Variants in CDH12 observed in about 807,000 individuals in gnomAD.
CDH12 encodes cadherin 12.
CDH12 carries 41 observed loss-of-function variants against 74.1 expected under a neutral mutation model. The observed-to-expected ratio is 0.55, with a 90% CI of 0.43 to 0.72. The LOEUF (loss-of-function observed/expected upper bound fraction) is 0.72, where lower values mean the gene tolerates loss of function less well. Among genes scored for constraint, CDH12 ranks in the 30% least tolerant of loss-of-function variants. The pLI is 0.00. For missense variants in CDH12, 945 were observed against 977.2 expected, an observed-to-expected ratio of 0.97 and a Z score of 0.44; for synonymous variants, 399 against 355.0, an observed-to-expected ratio of 1.12 and a Z score of -1.39.
chr5:22,811,305 A>T (rs1749138272), intron 1 of CDH12, among the ~76,000 whole-genome samples: 1 of 152,110 alleles, frequency 6.6e-6, no homozygotes, highest in Admixed American at 6.5e-5. Context: ...ACTATTCTTG[A>T]TCATTTGCAA....
At chr5:22,189,098 G>A (rs1424660147) in intron 4 of CDH12, among the ~76,000 whole-genome samples, 1 of 150,952 alleles carries the variant, frequency 6.6e-6, no homozygotes, top group Non-Finnish European at 1.5e-5. Flanking sequence ...ATACTCAGAA[G>A]CAAGATGTAT....
At chr5:22,673,563 C>T (rs773320695) in intron 1 of CDH12, among the ~76,000 whole-genome samples, 6 of 152,068 alleles carry the variant, frequency 3.9e-5, no homozygotes, top group Admixed American at 1.3e-4. Context: ...GATTTTACTA[C>T]AATAATAGGT....
rs144475046 is a variant in CDH12 at position 21,899,066 on chromosome 5, C to G, written c.527-44276G>C. ...GATTTAGTTCTTACTCTCCTTCCCA[C>G]CTGGGGGTTGTTCCCTCCTACCTTT... On this transcript the variant is annotated intron_variant, in intron 6 of 14. Coordinates refer to ENST00000382254, the MANE Select transcript of CDH12 (RefSeq NM_004061.5). Among the ~76,000 whole-genome samples, 857 of 152,288 alleles carry G rather than the reference C, an allele frequency of 5.6e-3. 8 individuals carry two copies. Among genetic ancestry groups the G allele is most frequent in the African/African-American group, 0.02 (812 of 41,566 alleles).
At chr5:22,096,654 G>A (rs1743799936) in intron 4 of CDH12, among the ~76,000 whole-genome samples, 1 of 152,056 alleles carries the variant, frequency 6.6e-6, no homozygotes, top group Admixed American at 6.5e-5. Context: ...GGTGGCTGGA[G>A]CTAAAGGCAT....
intron 1 of CDH12, among the ~76,000 whole-genome samples, chr5:22,524,117 G>A (rs1737169419): frequency 6.6e-6 from 1 of 151,650 alleles, no homozygotes; most frequent in Admixed American, 6.6e-5. Flanking sequence ...TGAGTAGGTG[G>A]GACCACAGGC....
At chr5:21,813,194 C>T (rs11952632) in intron 9 of CDH12, among the ~76,000 whole-genome samples, 99,775 of 151,992 alleles carry the variant, frequency 0.66, 34,721 homozygotes, top group Non-Finnish European at 0.77. Flanking sequence ...AAGGGTAAGG[C>T]GAGGCCAGGT....
At chr5:22,250,646 C>A (rs1044858018) in intron 3 of CDH12, among the ~76,000 whole-genome samples, 1 of 152,096 alleles carries the variant, frequency 6.6e-6, no homozygotes, top group Non-Finnish European at 1.5e-5. Context: ...AATATTTTGG[C>A]CTAACATCTT....
chr5:22,681,239 G>GTA (rs1367767328), intron 1 of CDH12, among the ~76,000 whole-genome samples: 6 of 151,210 alleles, frequency 4.0e-5, no homozygotes, highest in African/African-American at 1.5e-4. Flanking sequence ...GTGTGTGTGT[G>GTA]TGTGTGTGTG....
chr5:22,188,872 C>T (rs958579910), intron 4 of CDH12, among the ~76,000 whole-genome samples: 1 of 152,186 alleles, frequency 6.6e-6, no homozygotes, highest in Non-Finnish European at 1.5e-5. Context: ...TTTGGAATAA[C>T]TCTCCTAATG....
intron 1 of CDH12, among the ~76,000 whole-genome samples, chr5:22,757,808 T>C (rs1746007509): frequency 7.9e-5 from 12 of 152,146 alleles, no homozygotes; most frequent in Admixed American, 7.9e-4. Context: ...ATCCCCTAAA[T>C]GAAATAAATT....
At chr5:21,926,166 C>T (rs758659839) in intron 6 of CDH12, among the ~76,000 whole-genome samples, 5 of 152,002 alleles carry the variant, frequency 3.3e-5, no homozygotes, top group Admixed American at 6.6e-5. Context: ...TATAGGTTTT[C>T]GGGCAGACCA....
chr5:21,918,470 G>A (rs988066950), intron 6 of CDH12, among the ~76,000 whole-genome samples: 2 of 152,130 alleles, frequency 1.3e-5, no homozygotes, highest in East Asian at 1.9e-4. Flanking sequence ...AAGGAAAAAG[G>A]TTTAATTGAC....
chr5:22,474,917 A>G (rs1236354004), intron 2 of CDH12, among the ~76,000 whole-genome samples: 2 of 152,068 alleles, frequency 1.3e-5, no homozygotes, highest in Admixed American at 1.3e-4. Flanking sequence ...CTAACAAATT[A>G]TTACATACAT....
In CDH12 at chr5:22,094,001, G is replaced by T. The variant is rs576329555; in HGVS notation, c.-186-15139C>A. The stretch of plus-strand genomic sequence containing the variant: ...AGAGTATTTCCACTGATTTACATGT[G>T]CTAGTGCCTCACTGCTTCACCATGA... On this transcript the variant is annotated intron_variant, in intron 4 of 14. Transcript: ENST00000382254. Among the ~76,000 whole-genome samples, 3 of 152,178 alleles carry T rather than the reference G, an allele frequency of 2.0e-5. No individual in the cohort carries two copies. The East Asian group carries it at 5.8e-4, about 29-fold the overall frequency.
At chr5:21,913,402 T>G (rs1423991749) in intron 6 of CDH12, among the ~76,000 whole-genome samples, 1 of 152,126 alleles carries the variant, frequency 6.6e-6, no homozygotes, top group Non-Finnish European at 1.5e-5. Flanking sequence ...TTTTAGGAAA[T>G]TTTGGAGAAA....
At chr5:22,080,903 C>A (rs935147418) in intron 4 of CDH12, among the ~76,000 whole-genome samples, 3 of 151,954 alleles carry the variant, frequency 2.0e-5, no homozygotes, top group Non-Finnish European at 4.4e-5. Flanking sequence ...ACTCAGCCTC[C>A]CGAGTAGCTG....
At chr5:22,274,985 A>C (rs1736565223) in intron 3 of CDH12, among the ~76,000 whole-genome samples, 1 of 152,168 alleles carries the variant, frequency 6.6e-6, no homozygotes, top group African/African-American at 2.4e-5. Context: ...GGAATACCTT[A>C]AGAATCTTTT....
intron 1 of CDH12, among the ~76,000 whole-genome samples, chr5:22,512,928 T>G (rs1736671144): frequency 6.6e-6 from 1 of 152,082 alleles, no homozygotes. Flanking sequence ...CTGGGTGTGG[T>G]GGCAGGTGCC....
chr5:22,061,440 T>C (rs1260962482), intron 5 of CDH12, among the ~76,000 whole-genome samples: 2 of 152,154 alleles, frequency 1.3e-5, no homozygotes, highest in African/African-American at 4.8e-5. Flanking sequence ...CGTATTCAAA[T>C]ATAGGTTTGA....
Sources: allele counts gnomAD v4.1 joint callset (sites outside exome capture counted in the v4.1 genomes callset), GRCh38; gene constraint gnomAD v4.1.1; transcripts MANE v1.5; gene names NCBI Gene and HGNC (gene_info 2026-07-23, HGNC 2026-07-21).